The following XYLT1 variants were observed in gnomAD, a reference collection of about 807,000 sequenced individuals.
XYLT1 encodes beta-D-xylosyltransferase 1.
In XYLT1, 36 loss-of-function variants were observed where a neutral mutation model predicts 91.3. The observed-to-expected ratio is 0.39, with a 90% CI of 0.30 to 0.52. The LOEUF (loss-of-function observed/expected upper bound fraction) is 0.52, where lower values mean the gene tolerates loss of function less well. Among genes scored for constraint, XYLT1 ranks in the 20% least tolerant of loss-of-function variants. XYLT1 has a pLI of 0.68. For missense variants in XYLT1, 1,242 were observed against 1,284.5 expected, an observed-to-expected ratio of 0.97 and a Z score of 0.51; for synonymous variants, 588 against 532.0, an observed-to-expected ratio of 1.11 and a Z score of -1.45.
At chr16:17,315,533 T>C (rs1260709676) in intron 2 of XYLT1, among the ~76,000 whole-genome samples, 1 of 74,938 alleles carries the variant, frequency 1.3e-5, no homozygotes, top group Non-Finnish European at 2.4e-5. Context: ...TACCTATGTG[T>C]TGGTTGTTGG....
At chr16:17,167,698 G>A (rs923045291) in intron 5 of XYLT1, among the ~76,000 whole-genome samples, 3 of 151,124 alleles carry the variant, frequency 2.0e-5, no homozygotes, top group African/African-American at 7.3e-5. Flanking sequence ...CTCGTGAACG[G>A]ATTCTAACCC....
intron 2 of XYLT1, among the ~76,000 whole-genome samples, chr16:17,339,433 T>C (rs143108676): frequency 3.4e-4 from 52 of 152,352 alleles, no homozygotes; most frequent in African/African-American, 1.2e-3. Flanking sequence ...TTTATACTTG[T>C]CATTACTTCA....
At chr16:17,448,299 A>AGG (rs1436525965) in intron 1 of XYLT1, among the ~76,000 whole-genome samples, 15 of 152,308 alleles carry the variant, frequency 9.8e-5, no homozygotes, top group Non-Finnish European at 2.1e-4. Context: ...CGGGAGGCGG[A>AGG]GGTTGCAGTG....
chr16:17,365,087 G>A (rs535911698), intron 1 of XYLT1, among the ~76,000 whole-genome samples: 1 of 152,290 alleles, frequency 6.6e-6, no homozygotes, highest in South Asian at 2.1e-4. Context: ...TCTTAAGAGC[G>A]TTGGTGTTCA....
chr16:17,398,896 G>A (rs954845887), intron 1 of XYLT1, among the ~76,000 whole-genome samples: 1 of 140,410 alleles, frequency 7.1e-6, no homozygotes, highest in Non-Finnish European at 1.5e-5. Context: ...CCAGGCTGGA[G>A]TGCAGTGGCT....
chr16:17,243,027 C>T (rs1483809098), intron 3 of XYLT1, among the ~76,000 whole-genome samples: 1 of 152,188 alleles, frequency 6.6e-6, no homozygotes, highest in Non-Finnish European at 1.5e-5. Flanking sequence ...TCATGGACAC[C>T]TGTGTTGCCT....
At chr16:17,394,413 A>T (rs547899381) in intron 1 of XYLT1, among the ~76,000 whole-genome samples, 47 of 152,172 alleles carry the variant, frequency 3.1e-4, no homozygotes, top group Non-Finnish European at 6.3e-4. Flanking sequence ...ACCAAGTCCA[A>T]CCCTGCCAGC....
At chr16:17,196,181 G>C (rs1419862579) in intron 5 of XYLT1, among the ~76,000 whole-genome samples, 1 of 152,156 alleles carries the variant, frequency 6.6e-6, no homozygotes, top group Non-Finnish European at 1.5e-5. Flanking sequence ...GAATGAAGAA[G>C]ACCCCCAGTG....
At chr16:17,301,733 G>A (rs2141812594) in intron 2 of XYLT1, among the ~76,000 whole-genome samples, 1 of 152,282 alleles carries the variant, frequency 6.6e-6, no homozygotes, top group Middle Eastern at 3.4e-3. Flanking sequence ...GGTGGCGAAT[G>A]CTAATATCAA....
At chr16:17,281,393 C>T (rs923778613) in intron 2 of XYLT1, among the ~76,000 whole-genome samples, 4 of 152,192 alleles carry the variant, frequency 2.6e-5, no homozygotes, top group Admixed American at 6.5e-5. Flanking sequence ...GTGGACCCTG[C>T]TCCCACCATC....
intron 1 of XYLT1, among the ~76,000 whole-genome samples, chr16:17,427,603 T>C (rs547402078): frequency 2.6e-5 from 4 of 152,124 alleles, no homozygotes; most frequent in Non-Finnish European, 5.9e-5. Flanking sequence ...GCTTTTCAAA[T>C]GCGTCACCCC....
At chr16:17,136,072 G>C (rs549096837) in intron 8 of XYLT1, among the ~76,000 whole-genome samples, 2 of 152,204 alleles carry the variant, frequency 1.3e-5, no homozygotes, top group Non-Finnish European at 2.9e-5. Flanking sequence ...CTGTTTTCAT[G>C]GTGGTAGATT....
chr16:17,431,643 C>T (rs1186844918), intron 1 of XYLT1, among the ~76,000 whole-genome samples: 3 of 152,182 alleles, frequency 2.0e-5, no homozygotes, highest in African/African-American at 4.8e-5. Flanking sequence ...AATGCTACAC[C>T]GTTTTTAACC....
chr16:17,274,989 C>A (rs2033951750), intron 2 of XYLT1, among the ~76,000 whole-genome samples: 1 of 152,064 alleles, frequency 6.6e-6, no homozygotes, highest in Non-Finnish European at 1.5e-5. Flanking sequence ...GTAGCCTGGC[C>A]AACATGGTGA....
intron 1 of XYLT1, among the ~76,000 whole-genome samples, chr16:17,451,622 C>G (rs2036667013): frequency 6.6e-6 from 1 of 152,226 alleles, no homozygotes; most frequent in Non-Finnish European, 1.5e-5. Flanking sequence ...AAAACTTCTA[C>G]TATGTGACAC....
intron 1 of XYLT1, among the ~76,000 whole-genome samples, chr16:17,446,791 C>A (rs1488938750): frequency 6.6e-6 from 1 of 152,190 alleles, no homozygotes; most frequent in African/African-American, 2.4e-5. Flanking sequence ...ACTCAACCAA[C>A]CCTCAGCGGG....
At chr16:17,245,375 T>C (rs1294325459) in intron 3 of XYLT1, among the ~76,000 whole-genome samples, 1 of 152,226 alleles carries the variant, frequency 6.6e-6, no homozygotes, top group African/African-American at 2.4e-5. Context: ...ACTCTATCCA[T>C]GCCACACTTG....
intron 1 of XYLT1, among the ~76,000 whole-genome samples, chr16:17,387,270 G>C (rs756777056): frequency 9.9e-5 from 15 of 152,142 alleles, no homozygotes; most frequent in Non-Finnish European, 2.1e-4. Flanking sequence ...GTGGGCTGTG[G>C]GACTGGAGGC....
At chr16:17,197,014 A>AATATATCTATATATATATATATATAT (rs2032439658) in intron 5 of XYLT1, among the ~76,000 whole-genome samples, 1 of 110,510 alleles carries the variant, frequency 9.0e-6, no homozygotes, top group Non-Finnish European at 1.7e-5. Flanking sequence ...CTGTCTCCAA[A>AATATATCTATATATATATATATATAT]ATATATATAT....
Sources: gnomAD v4.1 joint callset for allele counts (sites outside exome capture counted in the v4.1 genomes callset) on GRCh38, gnomAD v4.1.1 for gene constraint, MANE v1.5 for transcripts, NCBI Gene and HGNC (gene_info 2026-07-23, HGNC 2026-07-21) for gene names.